LRFN2: variants seen among roughly 807,000 people sequenced by gnomAD.
The protein encoded by LRFN2 is leucine-rich repeat and fibronectin type-III domain-containing protein 2.
In LRFN2, 18 loss-of-function variants were observed where a neutral mutation model predicts 37.3. That is an observed-to-expected ratio of 0.48 (90% CI 0.33 to 0.72). The LOEUF is 0.72. Among genes scored for constraint, LRFN2 ranks in the 30% least tolerant of loss-of-function variants. The pLI, the probability that LRFN2 is intolerant of heterozygous loss-of-function variation, is 0.02. For synonymous variants in LRFN2, 556 were observed against 466.6 expected (o/e 1.19, Z -2.47); for missense variants, 1,006 against 1,060.7 (o/e 0.95, Z 0.72).
chr6:40,533,533 G>A (rs1273271321), intron 1 of LRFN2, among the ~76,000 whole-genome samples: 1 of 151,828 alleles, frequency 6.6e-6, no homozygotes, highest in African/African-American at 2.4e-5. Context: ...CAAAAAAAAA[G>A]CTCTCCTCCT....
At chr6:40,412,973 T>C (rs985145) in intron 2 of LRFN2, among the ~76,000 whole-genome samples, 85,056 of 151,924 alleles carry the variant, frequency 0.56, 25,726 homozygotes, top group South Asian at 0.79. Context: ...GTGAGGGAGA[T>C]CTTACATCCT....
At chr6:40,438,103 G>A (rs750576296) in intron 1 of LRFN2, among the ~76,000 whole-genome samples, 2 of 152,150 alleles carry the variant, frequency 1.3e-5, no homozygotes, top group African/African-American at 2.4e-5. Flanking sequence ...GCAAAGGAGC[G>A]AGAGCTTGTC....
chr6:40,526,117 C>T (rs1235551264), intron 1 of LRFN2, among the ~76,000 whole-genome samples: 2 of 152,216 alleles, frequency 1.3e-5, no homozygotes, highest in Admixed American at 6.5e-5. Flanking sequence ...GTAATTTGCA[C>T]AATAATCTCT....
intron 1 of LRFN2, chr6:40,501,551 C>G (rs1765382679): frequency 6.6e-6 from 1 of 151,726 alleles, no homozygotes; most frequent in African/African-American, 2.4e-5. Context: ...TGGTCTTAAA[C>G]TCCTGAGTTC....
rs746255396 is a variant in LRFN2 at position 40,431,996 on chromosome 6, T to G, written c.1118A>C (p.Glu373Ala). ...NAAGEATAMV[E>A]VSIVQLPHLS... is the part of the protein sequence containing the mutation. ...GTGTGGCAGCTGGACGATGGAGACC[T>G]CCACCATGGCCGTGGCCTCTCCGGC... Residue 373 changes from glutamate (E) to alanine (A), a missense_variant, in exon 2 of 3, where the codon GAG becomes GCG. Glu to Ala is a moderately radical substitution (Grantham distance 107). This residue lies in a region of LRFN2 where 303 missense variants were observed against 299.8 expected (regional missense o/e 1.01). Transcript: ENST00000338305. 6.2e-7 allele frequency: 1 copy of G among 1,613,660 alleles called. No individual in the cohort carries two copies. Among genetic ancestry groups the G allele is most frequent in the South Asian group, 1.1e-5 (1 of 91,070 alleles).
chr6:40,562,809 G>A (rs553724029), intron 1 of LRFN2, among the ~76,000 whole-genome samples: 1 of 151,196 alleles, frequency 6.6e-6, no homozygotes, highest in South Asian at 2.1e-4. Context: ...AGGCACATGT[G>A]AGCGTGCTTA....
At chr6:40,441,669 C>A (rs138668816) in intron 1 of LRFN2, among the ~76,000 whole-genome samples, 1 of 152,138 alleles carries the variant, frequency 6.6e-6, no homozygotes, top group South Asian at 2.1e-4. Context: ...CAGCTCTCAG[C>A]GTCATTTTAG....
At chr6:40,420,703 A>G (rs1763208328) in intron 2 of LRFN2, among the ~76,000 whole-genome samples, 1 of 152,242 alleles carries the variant, frequency 6.6e-6, no homozygotes, top group Admixed American at 6.5e-5. Context: ...TCAGCCTCCA[A>G]TGTGCACTGG....
intron 1 of LRFN2, among the ~76,000 whole-genome samples, chr6:40,568,684 T>TTTCCTTCCTTCC (rs369194708): frequency 0.071 from 9,404 of 131,832 alleles, 450 homozygotes; most frequent in East Asian, 0.13. Flanking sequence ...GTCTCCCCCA[T>TTTCCTTCCTTCC]TTCCTTCCTT....
At chr6:40,443,762 G>A (rs1035500866) in intron 1 of LRFN2, among the ~76,000 whole-genome samples, 24 of 152,158 alleles carry the variant, frequency 1.6e-4, no homozygotes, top group Middle Eastern at 3.2e-3. Context: ...AGAGAGATGT[G>A]GGCAGGGTGG....
chr6:40,574,705 G>A (rs1767245703), intron 1 of LRFN2, among the ~76,000 whole-genome samples: 1 of 152,204 alleles, frequency 6.6e-6, no homozygotes, highest in African/African-American at 2.4e-5. Context: ...AATCCAGGCA[G>A]CTCCGGAGAG....
intron 1 of LRFN2, among the ~76,000 whole-genome samples, chr6:40,562,835 T>TACA (rs1767024901): frequency 2.4e-5 from 3 of 125,628 alleles, no homozygotes; most frequent in African/African-American, 8.8e-5. Flanking sequence ...GTGCACTCAC[T>TACA]CACACACACA....
At position 40,435,076 on chromosome 6, in the gene LRFN2, G is replaced by GAC. The variant is rs1407699459; in HGVS notation, c.-18-1946_-18-1945insGT. 9.1e-3 allele frequency among the ~76,000 whole-genome samples: 1,226 copies of GAC among 134,502 alleles called. 5 individuals carry two copies. The highest frequency in any genetic ancestry group is 0.019 in the East Asian group (81 of 4,260). 88.2% of individuals were successfully genotyped at this position (134,502 alleles called of 152,430 possible). A position where few individuals can be genotyped will look rare whatever the true frequency, so the allele number is the denominator to read the frequency against. On this transcript the variant is annotated intron_variant, in intron 1 of 2. Transcript: ENST00000338305. ...ATAGAGAGAGAGAGAGAGAGAGAGA[G>GAC]AGAGAGAGAGAGAGACAGAGAGATA...
chr6:40,433,558 C>G (rs1431944681), intron 1 of LRFN2, among the ~76,000 whole-genome samples: 1 of 152,116 alleles, frequency 6.6e-6, no homozygotes, highest in African/African-American at 2.4e-5. Flanking sequence ...GAATGCGATA[C>G]CATATCATTG....
chr6:40,447,445 T>A (rs144727659), intron 1 of LRFN2, among the ~76,000 whole-genome samples: 1 of 152,308 alleles, frequency 6.6e-6, no homozygotes, highest in African/African-American at 2.4e-5. Context: ...GCTGTCACCA[T>A]CCCATGATGT....
intron 1 of LRFN2, chr6:40,523,858 G>A (rs976619322): frequency 6.6e-6 from 1 of 152,216 alleles, no homozygotes; most frequent in Admixed American, 6.5e-5. Context: ...GCACGAACAG[G>A]TGAGTTGACT....
intron 2 of LRFN2, among the ~76,000 whole-genome samples, chr6:40,424,929 C>G (rs987710536): frequency 6.6e-6 from 1 of 152,244 alleles, no homozygotes; most frequent in Non-Finnish European, 1.5e-5. Context: ...TTCTCCACCC[C>G]ACAGTAGAGA....
intron 1 of LRFN2, among the ~76,000 whole-genome samples, chr6:40,458,007 G>T (rs1247426488): frequency 6.6e-6 from 1 of 152,186 alleles, no homozygotes; most frequent in Non-Finnish European, 1.5e-5. Context: ...CCACATATAG[G>T]ACAGCTGCCC....
chr6:40,438,420 G>C (rs527978433), intron 1 of LRFN2, among the ~76,000 whole-genome samples: 3 of 152,270 alleles, frequency 2.0e-5, no homozygotes, highest in East Asian at 3.9e-4. Flanking sequence ...GAGCAACCTC[G>C]TGCAGTGAGC....
Sources: allele counts gnomAD v4.1 joint callset (sites outside exome capture counted in the v4.1 genomes callset), GRCh38; gene constraint gnomAD v4.1.1; regional missense constraint gnomAD v4.1.1; transcripts MANE v1.5; gene names NCBI Gene and HGNC (gene_info 2026-07-23, HGNC 2026-07-21).